CBLN2: variants seen among roughly 807,000 people sequenced by gnomAD.
CBLN2 encodes cerebellin-2.
Under a neutral mutation model 15.0 loss-of-function variants are expected in CBLN2, and 7 were observed. That is an observed-to-expected ratio of 0.47 (90% CI 0.27 to 0.88). The LOEUF (loss-of-function observed/expected upper bound fraction) is 0.88, where lower values mean the gene tolerates loss of function less well. Ranked by LOEUF, CBLN2 falls within the 40% of genes least tolerant of loss-of-function variation. CBLN2 has a pLI of 0.14. For synonymous variants in CBLN2, 149 were observed against 135.2 expected, an observed-to-expected ratio of 1.10 and a Z score of -0.71; for missense variants, 242 against 304.5, an observed-to-expected ratio of 0.79 and a Z score of 1.53.
chr18:72,632,417 A>C (rs2069783258), intron 1 of CBLN2, among the ~76,000 whole-genome samples: 1 of 152,206 alleles, frequency 6.6e-6, no homozygotes, highest in East Asian at 1.9e-4. Context: ...TTCCAAACAT[A>C]GAACAAGTTA....
At chr18:72,614,571 A>G (rs1401342704) in intron 1 of CBLN2, among the ~76,000 whole-genome samples, 1 of 152,188 alleles carries the variant, frequency 6.6e-6, no homozygotes, top group Non-Finnish European at 1.5e-5. Flanking sequence ...TAAAAGTGCC[A>G]GACTTATTTC....
intron 1 of CBLN2, among the ~76,000 whole-genome samples, chr18:72,576,967 T>C (rs1007436304): frequency 1.4e-5 from 2 of 147,978 alleles, no homozygotes; most frequent in East Asian, 1.9e-4. Flanking sequence ...TATATAAATA[T>C]ATATAAATGT....
intron 1 of CBLN2, among the ~76,000 whole-genome samples, chr18:72,565,883 T>C (rs1257838586): frequency 6.6e-6 from 1 of 152,070 alleles, no homozygotes. Context: ...AAACAACCTA[T>C]AGAATGGGAG....
chr18:72,581,701 G>C (rs2069406239), intron 1 of CBLN2, among the ~76,000 whole-genome samples: 1 of 151,918 alleles, frequency 6.6e-6, no homozygotes, highest in Non-Finnish European at 1.5e-5. Flanking sequence ...GTCGAATTTT[G>C]GTTTACATTT....
upstream of CBLN2, among the ~76,000 whole-genome samples, chr18:72,547,391 A>G (rs1014846795): frequency 7.2e-5 from 11 of 152,194 alleles, no homozygotes; most frequent in African/African-American, 2.7e-4. Flanking sequence ...GAAATCACTT[A>G]GTGGGTACAA....
At chr18:72,561,506 A>C (rs1047355502) in intron 1 of CBLN2, among the ~76,000 whole-genome samples, 3 of 152,098 alleles carry the variant, frequency 2.0e-5, no homozygotes, top group African/African-American at 7.2e-5. Flanking sequence ...AATTGAATAT[A>C]GCATTCCTCT....
chr18:72,599,405 T>A (rs139851559), intron 1 of CBLN2, among the ~76,000 whole-genome samples: 107 of 152,326 alleles, frequency 7.0e-4, no homozygotes, highest in African/African-American at 2.5e-3. Flanking sequence ...ATTTTACTAA[T>A]GCAAAGGACT....
At chr18:72,618,326 G>A (rs1234796049) in intron 1 of CBLN2, 3 of 459,768 alleles carry the variant, frequency 6.5e-6, no homozygotes, top group South Asian at 4.2e-5. Context: ...TCATTGGAGG[G>A]TTGAGCTCTG....
rs187233758 is a variant in CBLN2, at chr18:72,631,739, A to C, written c.15+6586T>G. On this transcript the variant is annotated intron_variant, in intron 1 of 2. Transcript: ENST00000581073. ...TCCTGCCTTACACCAAATTTTCTCA[A>C]AACACCTCACTAGCAGTAGAGCTGC... is the stretch of plus-strand genomic sequence containing the variant. Among the ~76,000 whole-genome samples the C allele has an allele frequency of 1.4e-3, 213 of 152,240 alleles. 1 individual carries two copies. The highest frequency in any genetic ancestry group is 2.5e-3 in the Non-Finnish European group (172 of 68,008).
At chr18:72,541,729 G>A in intron 3 of CBLN2, 75 bp downstream of exon 3, 1 of 1,261,796 alleles carries the variant, frequency 7.9e-7, no homozygotes, top group African/African-American at 1.5e-5. Context: ...CAAGAAGCCT[G>A]AACCCCAGCC....
rs1002507859 is a variant in CBLN2, at chr18:72,565,483, A to G, written c.16-26711T>C. 2.0e-5 allele frequency among the ~76,000 whole-genome samples: 3 copies of G among 152,160 alleles called. No individual in the cohort carries two copies. In the East Asian group the frequency reaches 5.8e-4, roughly 29 times the overall value. The stretch of plus-strand genomic sequence containing the variant: ...TTGTTGAGGAACATATAACATAAAA[A>G]GATGTAAATAAATGAAAATTATAAA... On this transcript the variant is annotated intron_variant, in intron 1 of 2. Transcript: ENST00000581073.
intron 1 of CBLN2, among the ~76,000 whole-genome samples, chr18:72,627,431 T>A (rs1344649711): frequency 6.6e-6 from 1 of 152,228 alleles, no homozygotes; most frequent in Non-Finnish European, 1.5e-5. Flanking sequence ...TGTAAGAAGA[T>A]GTTGCTGCGT....
intron 1 of CBLN2, among the ~76,000 whole-genome samples, chr18:72,602,769 T>C (rs1253699169): frequency 6.6e-6 from 1 of 152,156 alleles, no homozygotes; most frequent in Non-Finnish European, 1.5e-5. Context: ...TCAGCTCCTG[T>C]TGGAGTTTCC....
intron 1 of CBLN2, among the ~76,000 whole-genome samples, chr18:72,596,297 TTTA>T (rs2069513325): frequency 6.6e-6 from 1 of 152,168 alleles, no homozygotes; most frequent in African/African-American, 2.4e-5. Context: ...AACTCTGTTT[TTTA>T]TTAATAAAAA....
chr18:72,581,655 C>T (rs2069405713), intron 1 of CBLN2, among the ~76,000 whole-genome samples: 1 of 152,154 alleles, frequency 6.6e-6, no homozygotes, highest in African/African-American at 2.4e-5. Context: ...TTTGTGATTA[C>T]ATGTGTTGCG....
At chr18:72,589,521 A>G (rs2069465503) in intron 1 of CBLN2, among the ~76,000 whole-genome samples, 1 of 152,150 alleles carries the variant, frequency 6.6e-6, no homozygotes, top group Admixed American at 6.5e-5. Context: ...ATGAGATACT[A>G]TCAGGAGATA....
Position 72,536,739 on chromosome 18 carries a change from T to C in CBLN2, c.*1437A>G, listed in dbSNP as rs977053675. 2 of 152,672 alleles carry C rather than the reference T, an allele frequency of 1.3e-5. No individual in the cohort carries two copies. The highest frequency in any genetic ancestry group is 4.8e-5 in the African/African-American group (2 of 41,464). 9.5% of individuals were successfully genotyped at this position (152,672 alleles called of 1,614,324 possible). Reference sequence around the variant, plus strand: ...ATTATGACTTTTATCATCAATATTTTGGTTACATTGTTACACAAAGAACAA... The same window carrying C: ...ATTATGACTTTTATCATCAATATTTCGGTTACATTGTTACACAAAGAACAA... On this transcript the variant is annotated 3_prime_UTR_variant, in exon 5 of 5. Coordinates refer to ENST00000269503, the MANE Select transcript of CBLN2 (RefSeq NM_182511.4).
intron 1 of CBLN2, among the ~76,000 whole-genome samples, chr18:72,570,621 C>T (rs748997317): frequency 1.3e-5 from 2 of 151,994 alleles, no homozygotes; most frequent in Non-Finnish European, 2.9e-5. Flanking sequence ...TAAAGCACCT[C>T]ACAGCCTTCT....
At chr18:72,589,907 C>T (rs925044134) in intron 1 of CBLN2, among the ~76,000 whole-genome samples, 2 of 152,078 alleles carry the variant, frequency 1.3e-5, no homozygotes, top group African/African-American at 4.8e-5. Flanking sequence ...CCGAGGTGAG[C>T]AGATCACTTG....
Sources: gnomAD v4.1 joint callset for allele counts (sites outside exome capture counted in the v4.1 genomes callset) on GRCh38, gnomAD v4.1.1 for gene constraint, MANE v1.5 for transcripts, NCBI Gene and HGNC (gene_info 2026-07-23, HGNC 2026-07-21) for gene names.